Variants in ITCH observed in about 807,000 individuals in gnomAD.
The protein encoded by ITCH is E3 ubiquitin-protein ligase Itchy homolog.
Under a neutral mutation model 126.8 loss-of-function variants are expected in ITCH, and 28 were observed. The ratio of observed to expected loss-of-function variants is 0.22; its 90% CI spans 0.16 to 0.30. The LOEUF (loss-of-function observed/expected upper bound fraction) is 0.30, where lower values mean the gene tolerates loss of function less well. Ranked by LOEUF, ITCH falls within the 10% of genes least tolerant of loss-of-function variation. The probability of loss-of-function intolerance (pLI) is 1.00; values close to 1 mark genes in which losing one functional copy is unlikely to be tolerated. For synonymous variants in ITCH, 342 were observed against 340.0 expected, an observed-to-expected ratio of 1.01 and a Z score of -0.06; for missense variants, 631 against 1,032.4, an observed-to-expected ratio of 0.61 and a Z score of 5.33.
chr20:34,376,459 C>A (rs945673), intron 2 of ITCH, among the ~76,000 whole-genome samples: 80,609 of 150,076 alleles, frequency 0.54, 21,754 homozygotes, highest in Admixed American at 0.64. Context: ...AAAATAAATA[C>A]ATAAATAAAT....
chr20:34,465,679 AT>A (rs1481937394), intron 14 of ITCH, among the ~76,000 whole-genome samples: 1 of 151,980 alleles, frequency 6.6e-6, no homozygotes, highest in Non-Finnish European at 1.5e-5. Context: ...GCTATTGTAA[AT>A]GGAATTGTTA....
At chr20:34,403,171 G>A (rs1331657418) in intron 3 of ITCH, among the ~76,000 whole-genome samples, 2 of 152,106 alleles carry the variant, frequency 1.3e-5, no homozygotes, top group African/African-American at 4.8e-5. Context: ...TATTTATTTA[G>A]TTTTGGCACT....
intron 3 of ITCH, among the ~76,000 whole-genome samples, chr20:34,403,202 C>T (rs910686845): frequency 6.6e-6 from 1 of 151,998 alleles, no homozygotes; most frequent in Admixed American, 6.6e-5. Context: ...GTACCTTGTT[C>T]TCTGTAGCTT....
chr20:34,503,587 G>A (rs1990398708), intron 23 of ITCH, among the ~76,000 whole-genome samples: 1 of 152,032 alleles, frequency 6.6e-6, no homozygotes, highest in Non-Finnish European at 1.5e-5. Context: ...AAGTTTTATT[G>A]TAGTTTCGTT....
In ITCH at chr20:34,440,151, A is replaced by G. The variant is rs1983550437; in HGVS notation, c.680-4A>G. 6.2e-7 allele frequency: 1 copy of G among 1,604,236 alleles called. No individual in the cohort carries two copies. Among genetic ancestry groups the G allele is most frequent in the Admixed American group, 1.7e-5 (1 of 59,968 alleles). ...TTTTCCTATTTTCCCCAAATCTTTT[A>G]TAGCATCTGTCAATGGTTCACCATC... is the stretch of plus-strand genomic sequence containing the variant. On this transcript the variant is annotated splice_polypyrimidine_tract_variant and splice_region_variant and intron_variant, in intron 8 of 24. Coordinates refer to ENST00000374864, the MANE Select transcript of ITCH (RefSeq NM_031483.7).
intron 23 of ITCH, among the ~76,000 whole-genome samples, chr20:34,502,266 C>T (rs1437022253): frequency 6.6e-6 from 1 of 152,100 alleles, no homozygotes; most frequent in African/African-American, 2.4e-5. Context: ...CATCTGTAGT[C>T]CCAGTTATTT....
chr20:34,427,065 C>T (rs1195016407), intron 7 of ITCH, among the ~76,000 whole-genome samples: 2 of 152,168 alleles, frequency 1.3e-5, no homozygotes, highest in African/African-American at 4.8e-5. Flanking sequence ...TGAGCCACTG[C>T]ACCTGGCCAA....
intron 14 of ITCH, among the ~76,000 whole-genome samples, chr20:34,467,907 A>G (rs1987236203): frequency 1.3e-5 from 2 of 152,076 alleles, no homozygotes; most frequent in East Asian, 1.9e-4. Flanking sequence ...ACCCTGGGTG[A>G]CAGAGTGACA....
intron 4 of ITCH, among the ~76,000 whole-genome samples, chr20:34,410,480 T>A (rs1018835163): frequency 6.6e-6 from 1 of 152,196 alleles, no homozygotes; most frequent in African/African-American, 2.4e-5. Context: ...TTTCTTAGGC[T>A]TTCTGTTTTT....
At chr20:34,470,830 C>T (rs1000847460) in intron 15 of ITCH, among the ~76,000 whole-genome samples, 5 of 152,210 alleles carry the variant, frequency 3.3e-5, no homozygotes, top group African/African-American at 9.6e-5. Flanking sequence ...AATGATCCTC[C>T]TGCCTCATCT....
chr20:34,505,981 G>C (rs1990596908), intron 24 of ITCH, among the ~76,000 whole-genome samples: 1 of 152,086 alleles, frequency 6.6e-6, no homozygotes, highest in Non-Finnish European at 1.5e-5. Context: ...ACATAACATA[G>C]AATTTACCAT....
intron 24 of ITCH, among the ~76,000 whole-genome samples, chr20:34,507,143 G>T (rs1047700663): frequency 6.6e-6 from 1 of 151,926 alleles, no homozygotes; most frequent in Non-Finnish European, 1.5e-5. Flanking sequence ...TTAATTTTTT[G>T]GGGGAATCTC....
chr20:34,394,102 CT>C, intron 3 of ITCH, among the ~76,000 whole-genome samples: 1 of 151,256 alleles, frequency 6.6e-6, no homozygotes, highest in East Asian at 2.0e-4. Context: ...GTCCCAGCTA[CT>C]CCGGAGGCTG....
chr20:34,479,531 TA>T, intron 17 of ITCH, 98 bp from the exon 18 acceptor site: 2 of 901,740 alleles, frequency 2.2e-6, no homozygotes, highest in Non-Finnish European at 3.5e-6. Flanking sequence ...AAACTATCAC[TA>T]GCTGAGGGGT....
chr20:34,486,997 A>G (rs1989168866), intron 20 of ITCH, among the ~76,000 whole-genome samples: 1 of 143,638 alleles, frequency 7.0e-6, no homozygotes, highest in Non-Finnish European at 1.5e-5. Context: ...CATTGTATTT[A>G]AAAGTATTTG....
At chr20:34,468,105 G>A (rs1267357013) in intron 14 of ITCH, among the ~76,000 whole-genome samples, 3 of 148,360 alleles carry the variant, frequency 2.0e-5, no homozygotes, top group African/African-American at 5.0e-5. Flanking sequence ...CACAATCTCA[G>A]CTCACTGCAA....
intron 6 of ITCH, among the ~76,000 whole-genome samples, chr20:34,421,922 G>T (rs1980829356): frequency 6.6e-6 from 1 of 152,132 alleles, no homozygotes; most frequent in South Asian, 2.1e-4. Context: ...AGGCTGAGGT[G>T]GGAGGATTGC....
At chr20:34,395,113 A>G (rs1469890901) in intron 3 of ITCH, among the ~76,000 whole-genome samples, 3 of 151,768 alleles carry the variant, frequency 2.0e-5, no homozygotes, top group African/African-American at 4.8e-5. Flanking sequence ...CACACCTGTA[A>G]TCCCAGCTAC....
At chr20:34,461,479 G>A (rs887430891) in intron 13 of ITCH, among the ~76,000 whole-genome samples, 1 of 152,128 alleles carries the variant, frequency 6.6e-6, no homozygotes, top group Non-Finnish European at 1.5e-5. Flanking sequence ...GGAAGGCTGA[G>A]GTGGGAGGAT....
Sources: allele counts gnomAD v4.1 joint callset (sites outside exome capture counted in the v4.1 genomes callset), GRCh38; gene constraint gnomAD v4.1.1; transcripts MANE v1.5; gene names NCBI Gene and HGNC (gene_info 2026-07-23, HGNC 2026-07-21).